Variants in DACH2 observed in about 807,000 individuals in gnomAD.
DACH2 encodes the protein dachshund family transcription factor 2.
A neutral mutation model predicts 35.8 loss-of-function variants in DACH2; 17 were observed. That is an observed-to-expected ratio of 0.48 (90% CI 0.33 to 0.71). The LOEUF (loss-of-function observed/expected upper bound fraction) is 0.71, where lower values mean the gene tolerates loss of function less well. Among genes scored for constraint, DACH2 ranks in the 30% least tolerant of loss-of-function variants. The pLI is 0.02. For missense variants in DACH2, 469 were observed against 472.7 expected (o/e 0.99, Z 0.07); for synonymous variants, 195 against 177.3 (o/e 1.10, Z -0.79).
At chrX:86,421,389 G>C (rs1168272433) in intron 2 of DACH2, among the ~76,000 whole-genome samples, 2 of 111,293 alleles carry the variant, frequency 1.8e-5, no homozygotes, top group Non-Finnish European at 3.8e-5. Flanking sequence ...AAGAGTGACA[G>C]ATCAGTGATG....
chrX:86,605,266 T>C (rs1399506092), intron 3 of DACH2, among the ~76,000 whole-genome samples: 1 of 111,745 alleles, frequency 8.9e-6, no homozygotes, highest in Non-Finnish European at 1.9e-5. Flanking sequence ...ATATTGTTTC[T>C]ATCTGAAACC....
intron 1 of DACH2, among the ~76,000 whole-genome samples, chrX:86,205,412 T>C (rs1602283059): frequency 8.9e-5 from 5 of 56,424 alleles, no homozygotes; most frequent in East Asian, 6.7e-4. Flanking sequence ...CTCCCTCCTT[T>C]CCTTCCTTCC....
chrX:86,411,369 C>T (rs1276967843), intron 2 of DACH2, among the ~76,000 whole-genome samples: 1 of 110,228 alleles, frequency 9.1e-6, no homozygotes, highest in Non-Finnish European at 1.9e-5. Flanking sequence ...TTAACAGACA[C>T]ACCCAGGGTC....
At chrX:86,574,027 C>G (rs1422499067) in intron 3 of DACH2, among the ~76,000 whole-genome samples, 1 of 111,826 alleles carries the variant, frequency 8.9e-6, no homozygotes, top group Non-Finnish European at 1.9e-5. Context: ...TGCTTATGTG[C>G]TGAATATATC....
At chrX:86,639,185 A>G (rs911551846) in intron 3 of DACH2, among the ~76,000 whole-genome samples, 1 of 111,848 alleles carries the variant, frequency 8.9e-6, no homozygotes, top group Admixed American at 9.5e-5. Flanking sequence ...ATTGGAATTG[A>G]TCCAGGAAAC....
chrX:86,252,172 C>T (rs972134528), intron 1 of DACH2, among the ~76,000 whole-genome samples: 1 of 110,207 alleles, frequency 9.1e-6, no homozygotes, highest in Non-Finnish European at 1.9e-5. Flanking sequence ...TACCCTTAGC[C>T]CTCTTTTTGA....
At chrX:86,207,584 G>A (rs2032344868) in intron 1 of DACH2, among the ~76,000 whole-genome samples, 3 of 110,780 alleles carry the variant, frequency 2.7e-5, no homozygotes, top group African/African-American at 9.8e-5. Flanking sequence ...ATAAAAAACA[G>A]ATTTTTAGGA....
intron 3 of DACH2, among the ~76,000 whole-genome samples, chrX:86,593,264 T>C (rs115149421): frequency 0.011 from 1,267 of 110,327 alleles, 23 homozygotes; most frequent in African/African-American, 0.04. Context: ...TTCGCATCTA[T>C]TAATTTTATC....
At chrX:86,706,074 G>A (rs959477936) in intron 5 of DACH2, among the ~76,000 whole-genome samples, 1 of 110,788 alleles carries the variant, frequency 9.0e-6, no homozygotes, top group East Asian at 2.9e-4. Flanking sequence ...GTGGTATAAT[G>A]GACATTGTAG....
At chrX:86,706,930 C>T (rs1471347264) in intron 5 of DACH2, among the ~76,000 whole-genome samples, 1 of 109,282 alleles carries the variant, frequency 9.2e-6, no homozygotes, top group Non-Finnish European at 1.9e-5. Context: ...AAGCTTCCAC[C>T]TTAGGAAAAT....
intron 3 of DACH2, among the ~76,000 whole-genome samples, chrX:86,552,388 T>C (rs1021676388): frequency 1.8e-5 from 2 of 111,698 alleles, no homozygotes; most frequent in East Asian, 5.6e-4. Flanking sequence ...TTTTCCCTAT[T>C]ATCACAATGT....
intron 2 of DACH2, among the ~76,000 whole-genome samples, chrX:86,451,629 T>C (rs1040239154): frequency 1.6e-4 from 18 of 111,899 alleles, no homozygotes; most frequent in Non-Finnish European, 1.3e-4. Context: ...TAGATTTGAA[T>C]CTATAAGTTA....
intron 4 of DACH2, among the ~76,000 whole-genome samples, chrX:86,678,774 G>C (rs996741803): frequency 3.6e-5 from 4 of 112,012 alleles, no homozygotes; most frequent in Non-Finnish European, 7.5e-5. Flanking sequence ...CTTTTTAAAA[G>C]AGCCAGCTGA....
At chrX:86,390,084 C>G (rs1257510470) in intron 2 of DACH2, among the ~76,000 whole-genome samples, 3 of 111,505 alleles carry the variant, frequency 2.7e-5, no homozygotes, top group Non-Finnish European at 5.6e-5. Flanking sequence ...AGATGACATA[C>G]AAGAAGATCT....
intron 2 of DACH2, among the ~76,000 whole-genome samples, chrX:86,384,161 G>A (rs935331948): frequency 3.6e-5 from 4 of 110,502 alleles, no homozygotes; most frequent in African/African-American, 9.8e-5. Flanking sequence ...TCTCTGGAGG[G>A]CACAGGGTAG....
intron 7 of DACH2, among the ~76,000 whole-genome samples, chrX:86,747,216 A>G (rs1346882695): frequency 2.7e-5 from 3 of 111,754 alleles, no homozygotes; most frequent in African/African-American, 9.7e-5. Context: ...TTCTGATAAG[A>G]TATCAACTGG....
intron 11 of DACH2, among the ~76,000 whole-genome samples, chrX:86,820,036 C>T (rs2042494047): frequency 9.0e-6 from 1 of 111,320 alleles, no homozygotes. Flanking sequence ...GAATATGAAG[C>T]TCCTACATTT....
chrX:86,249,335 A>C (rs2033352893), intron 1 of DACH2, among the ~76,000 whole-genome samples: 1 of 111,543 alleles, frequency 9.0e-6, no homozygotes, highest in African/African-American at 3.3e-5. Flanking sequence ...AGAACCTATA[A>C]GGAAATTAAG....
intron 11 of DACH2, among the ~76,000 whole-genome samples, chrX:86,823,469 TTG>T (rs1252895594): frequency 1.8e-5 from 2 of 108,424 alleles, no homozygotes. Context: ...AAAATTAACA[TTG>T]GTAATGATCC....
Sources: allele counts gnomAD v4.1 joint callset (sites outside exome capture counted in the v4.1 genomes callset), GRCh38; gene constraint gnomAD v4.1.1; transcripts MANE v1.5; gene names NCBI Gene and HGNC (gene_info 2026-07-23, HGNC 2026-07-21).